Variants in DMD observed in about 807,000 individuals in gnomAD.
DMD encodes the protein dystrophin, also known as mutant dystrophin.
In DMD, 63 loss-of-function variants were observed where a neutral mutation model predicts 330.1. That is an observed-to-expected ratio of 0.19 (90% CI 0.16 to 0.24). The LOEUF is 0.24. DMD is among the 10% of genes least tolerant of loss of function. The probability of loss-of-function intolerance (pLI) is 1.00; values close to 1 mark genes in which losing one functional copy is unlikely to be tolerated. For missense variants in DMD, 3,344 were observed against 2,684.1 expected (o/e 1.25, Z -5.43); for synonymous variants, 1,223 against 959.8 (o/e 1.27, Z -5.07).
At chrX:32,644,050 C>G (rs2059635460) in intron 11 of DMD, 82 bp downstream of exon 11, 3 of 861,830 alleles carry the variant, frequency 3.5e-6, no homozygotes, top group South Asian at 4.9e-5. Flanking sequence ...AGAATCGTAA[C>G]TTAACCATCA....
rs2148592409 is a variant in DMD, at chrX:31,209,644, C to T, written c.9417G>A (p.Lys3139=). The T allele has an allele frequency of 2.5e-6, 3 of 1,211,529 alleles. No individual in the cohort carries two copies. The highest frequency in any genetic ancestry group is 3.0e-5 in the East Asian group (1 of 33,829). Residue 3139 remains lysine (K), a synonymous_variant, in exon 65 of 79, where the codon AAG becomes AAA. Transcript: ENST00000357033. ...ACDALDQHNL[K]QNDQPMDILQ... is the part of the protein sequence containing the mutation. ...GGATATCCATGGGCTGGTCATTTTG[C>T]TTGAGGTTGTGCTGGTCCAAGGCAT...
At chrX:33,298,516 A>G (rs1484806762) in intron 1 of DMD, among the ~76,000 whole-genome samples, 1 of 112,105 alleles carries the variant, frequency 8.9e-6, no homozygotes, top group Non-Finnish European at 1.9e-5. Context: ...TGATTCTTAA[A>G]CACATTTCTT....
chrX:31,610,359 T>C (rs889663988), intron 55 of DMD, among the ~76,000 whole-genome samples: 1 of 111,770 alleles, frequency 8.9e-6, no homozygotes, highest in South Asian at 3.7e-4. Flanking sequence ...TACTAATTAA[T>C]TTGTAAAATA....
At chrX:31,618,029 A>G (rs1389194374) in intron 55 of DMD, among the ~76,000 whole-genome samples, 1 of 111,263 alleles carries the variant, frequency 9.0e-6, no homozygotes, top group Non-Finnish European at 1.9e-5. Flanking sequence ...CACTGAGTAC[A>G]TATGAACACA....
chrX:32,549,342 G>A (rs1317237857), intron 16 of DMD, among the ~76,000 whole-genome samples: 1 of 111,554 alleles, frequency 9.0e-6, no homozygotes, highest in Non-Finnish European at 1.9e-5. Flanking sequence ...AGCTTCATGG[G>A]CTGGTAATTT....
chrX:32,840,936 G>T (rs773294514), intron 4 of DMD, among the ~76,000 whole-genome samples: 8 of 111,735 alleles, frequency 7.2e-5, no homozygotes, highest in Non-Finnish European at 1.5e-4. Context: ...TTGCTGGGTG[G>T]TAAGAAATGT....
At chrX:32,416,657 A>G (rs146718730) in intron 29 of DMD, among the ~76,000 whole-genome samples, 525 of 112,153 alleles carry the variant, frequency 4.7e-3, no homozygotes, top group Non-Finnish European at 7.8e-3. Context: ...TACCTTGCAG[A>G]AAGTAGAGCA....
chrX:31,951,800 G>A (rs2095184115), intron 45 of DMD, among the ~76,000 whole-genome samples: 1 of 111,333 alleles, frequency 9.0e-6, no homozygotes, highest in Non-Finnish European at 1.9e-5. Context: ...TCAGTTCTGT[G>A]ATTCTTTATC....
intron 9 of DMD, among the ~76,000 whole-genome samples, chrX:32,650,034 G>T (rs961830704): frequency 2.7e-5 from 3 of 111,120 alleles, no homozygotes; most frequent in African/African-American, 9.8e-5. Flanking sequence ...ACAGGTGAAT[G>T]AGCTCTGTGT....
intron 56 of DMD, among the ~76,000 whole-genome samples, chrX:31,497,288 G>A (rs1409709802): frequency 8.9e-6 from 1 of 111,739 alleles, no homozygotes; most frequent in African/African-American, 3.3e-5. Flanking sequence ...AAAACACTTC[G>A]TTTTCATGTG....
At chrX:32,925,810 T>C (rs901434013) in intron 2 of DMD, among the ~76,000 whole-genome samples, 5 of 112,041 alleles carry the variant, frequency 4.5e-5, no homozygotes, top group African/African-American at 1.6e-4. Flanking sequence ...TGTATTAAGT[T>C]TGATAGTAAA....
At chrX:32,354,400 C>T (rs2097791885) in intron 37 of DMD, among the ~76,000 whole-genome samples, 1 of 110,807 alleles carries the variant, frequency 9.0e-6, no homozygotes, top group Admixed American at 9.6e-5. Flanking sequence ...GGACAAGTAA[C>T]ACACTATAGT....
At chrX:32,653,704 G>A (rs972746481) in intron 9 of DMD, among the ~76,000 whole-genome samples, 1 of 111,801 alleles carries the variant, frequency 8.9e-6, no homozygotes, top group Non-Finnish European at 1.9e-5. Flanking sequence ...GAAAGTCATT[G>A]GTAGCTTGAT....
rs191447109 is a variant in DMD at position 32,330,642 on chromosome X, T to C, written c.5922+11458A>G. Among the ~76,000 whole-genome samples the C allele has an allele frequency of 6.7e-3, 745 of 111,472 alleles. 8 individuals are homozygous for C. The highest frequency in any genetic ancestry group is 0.023 in the African/African-American group (722 of 30,748). ...AATTGCTGTGTATAAATTCTTGTTC[T>C]TTTTTTTCTTCATTGTATGAGTTAT... is the stretch of plus-strand genomic sequence containing the variant. On this transcript the variant is annotated intron_variant, in intron 41 of 78. Coordinates refer to ENST00000357033, the MANE Select transcript of DMD (RefSeq NM_004006.3).
chrX:32,235,557 G>A (rs758491537), intron 43 of DMD, among the ~76,000 whole-genome samples: 1 of 111,326 alleles, frequency 9.0e-6, no homozygotes, highest in Non-Finnish European at 1.9e-5. Context: ...AATGCTATGA[G>A]GGTAGAAGTG....
chrX:32,712,613 A>G (rs908878702), intron 7 of DMD, among the ~76,000 whole-genome samples: 2 of 110,934 alleles, frequency 1.8e-5, no homozygotes, highest in African/African-American at 6.5e-5. Context: ...GCTATTTCTA[A>G]TTTTCCCAAG....
In DMD at chrX:31,658,134, T is replaced by C. The variant is rs2080897314; in HGVS notation, c.7883A>G (p.Lys2628Arg). Residue 2628 changes from lysine (K) to arginine (R), a missense_variant, in exon 54 of 79, where the codon AAA becomes AGA. Coordinates refer to ENST00000357033, the MANE Select transcript of DMD (RefSeq NM_004006.3). ...KKITETKQLA[K>R]DLRQWQTNVD... ...ATTTGTCTGCCACTGGCGGAGGTCT[T>C]TGGCCAACTGCTATAGATTTTTATG... 8.3e-7 allele frequency: 1 copy of C among 1,211,552 alleles called. No homozygotes were observed. Among genetic ancestry groups the C allele is most frequent in the East Asian group, 3.0e-5 (1 of 33,855 alleles).
intron 9 of DMD, among the ~76,000 whole-genome samples, chrX:32,664,722 G>A (rs776389134): frequency 8.9e-6 from 1 of 112,064 alleles, no homozygotes; most frequent in East Asian, 2.8e-4. Flanking sequence ...GGGTAAATTT[G>A]AATTGACTAG....
chrX:33,192,794 C>T (rs1325942672), intron 1 of DMD, among the ~76,000 whole-genome samples: 1 of 111,601 alleles, frequency 9.0e-6, no homozygotes, highest in East Asian at 2.8e-4. Flanking sequence ...AAATCATACC[C>T]ACCAACAAAA....
Sources: gnomAD v4.1 joint callset for allele counts (sites outside exome capture counted in the v4.1 genomes callset) on GRCh38, gnomAD v4.1.1 for gene constraint, MANE v1.5 for transcripts, NCBI Gene and HGNC (gene_info 2026-07-23, HGNC 2026-07-21) for gene names.